The following UGT2A3 variants were observed in gnomAD, a reference collection of about 807,000 sequenced individuals.
The protein encoded by UGT2A3 is UDP-glucuronosyltransferase 2A3.
In UGT2A3, 55 loss-of-function variants were observed where a neutral mutation model predicts 44.1. That is an observed-to-expected ratio of 1.25 (90% confidence interval 1.00 to 1.56). The LOEUF is 1.56. Among genes scored for constraint, UGT2A3 ranks in the 40% most tolerant of loss-of-function variants. UGT2A3 has a pLI of 0.00. For synonymous variants in UGT2A3, 243 were observed against 215.1 expected (o/e 1.13, Z -1.13); for missense variants, 733 against 621.6 (o/e 1.18, Z -1.91).
At chr4:68,933,251 A>G (rs1717807161) in intron 2 of UGT2A3, among the ~76,000 whole-genome samples, 1 of 152,062 alleles carries the variant, frequency 6.6e-6, no homozygotes, top group Non-Finnish European at 1.5e-5. Context: ...ATGGAAATTA[A>G]AAAATCCATG....
At chr4:68,950,082 TG>T (rs1718524906) in intron 1 of UGT2A3, among the ~76,000 whole-genome samples, 1 of 151,922 alleles carries the variant, frequency 6.6e-6, no homozygotes, top group African/African-American at 2.4e-5. Context: ...TCTATATAGC[TG>T]TACCCCTTTA....
chr4:68,929,614 G>A lies in UGT2A3; in HGVS notation c.*199C>T. The stretch of plus-strand genomic sequence containing the variant: ...CATGTCCTTGTGTCACAAAGTGAGA[G>A]AAGAGAGTAAAGACACCTAGGAAAA... On this transcript the variant is annotated 3_prime_UTR_variant, in exon 6 of 6. Transcript: ENST00000251566. 1 of 488,412 alleles carries A rather than the reference G, an allele frequency of 2.0e-6. No homozygotes were observed. The highest frequency in any genetic ancestry group is 4.4e-5 in the South Asian group (1 of 22,514). 30.3% of individuals were successfully genotyped at this position (488,412 alleles called of 1,614,324 possible). A position where few individuals can be genotyped will look rare whatever the true frequency, so the allele number is the denominator to read the frequency against.
intron 2 of UGT2A3, among the ~76,000 whole-genome samples, chr4:68,942,148 A>C (rs905538641): frequency 7.2e-5 from 11 of 151,728 alleles, no homozygotes; most frequent in African/African-American, 2.7e-4. Context: ...AAATAAACTA[A>C]GAAGTCATAG....
chr4:68,934,696 C>T (rs1004656134), intron 2 of UGT2A3, among the ~76,000 whole-genome samples: 1 of 151,830 alleles, frequency 6.6e-6, no homozygotes, highest in African/African-American at 2.4e-5. Flanking sequence ...GAACCCATCT[C>T]TACAAAATTT....
chr4:68,939,402 C>A (rs1423272562), intron 2 of UGT2A3, among the ~76,000 whole-genome samples: 1 of 151,918 alleles, frequency 6.6e-6, no homozygotes, highest in Non-Finnish European at 1.5e-5. Flanking sequence ...CTACACATCT[C>A]TAACCATGTG....
At position 68,951,040 on chromosome 4, in the gene UGT2A3, T is replaced by C. The variant is rs1560464385; in HGVS notation, c.715+6A>G. 6.6e-7 allele frequency: 1 copy of C among 1,518,380 alleles called. No homozygotes were observed. Among genetic ancestry groups the C allele is most frequent in the Non-Finnish European group, 8.8e-7 (1 of 1,132,810 alleles). The allele number at this position is 1,518,380 out of a possible 1,614,324, so 94.1% of individuals were successfully genotyped here. A position where few individuals can be genotyped will look rare whatever the true frequency, so the allele number is the denominator to read the frequency against. On this transcript the variant is annotated splice_donor_region_variant and intron_variant, in intron 1 of 5. Coordinates refer to ENST00000251566, the MANE Select transcript of UGT2A3 (RefSeq NM_024743.4). Reference sequence around the variant, plus strand: ...CTAAATTAAAAATAAAACAAAAGTGTCTTACCTAATGCCTTACTATAAAAC... The same window carrying C: ...CTAAATTAAAAATAAAACAAAAGTGCCTTACCTAATGCCTTACTATAAAAC...
At position 68,930,078 on chromosome 4, in the gene UGT2A3, G is replaced by T; in HGVS notation, c.1319C>A (p.Ala440Asp). Residue 440 changes from alanine (A) to aspartate (D), a missense_variant, in exon 6 of 6, where the codon GCT becomes GAT. Coordinates refer to ENST00000251566, the MANE Select transcript of UGT2A3 (RefSeq NM_024743.4). ...ATGGTGAATTCTTGATAATCTCATAGCATTCTCTTTATAACTGGAAGGGAA... is the reference window on the plus strand; with the variant it reads ...ATGGTGAATTCTTGATAATCTCATATCATTCTCTTTATAACTGGAAGGGAA... ...VITDSSYKEN[A>D]MRLSRIHHDQ... 1 of 1,609,890 alleles carries T rather than the reference G, an allele frequency of 6.2e-7. No homozygotes were observed. Among genetic ancestry groups the T allele is most frequent in the Non-Finnish European group, 8.5e-7 (1 of 1,178,074 alleles).
Position 68,934,333 on chromosome 4 carries a change from A to T in UGT2A3, c.865-1574T>A, listed in dbSNP as rs561366424. 1.0e-3 allele frequency among the ~76,000 whole-genome samples: 159 copies of T among 152,168 alleles called. 6 individuals carry two copies. In the South Asian group the frequency reaches 0.021, roughly 20 times the overall value. On this transcript the variant is annotated intron_variant, in intron 2 of 5. Transcript: ENST00000251566. ...TAGAAAGATATCAAATAAACAATTTATGATAACATCTCAAGGAATTAGAAA... is the reference window on the plus strand; with the variant it reads ...TAGAAAGATATCAAATAAACAATTTTTGATAACATCTCAAGGAATTAGAAA...
At chr4:68,938,643 A>G (rs1718061072) in intron 2 of UGT2A3, among the ~76,000 whole-genome samples, 2 of 152,186 alleles carry the variant, frequency 1.3e-5, no homozygotes, top group Non-Finnish European at 2.9e-5. Context: ...AAACTTGCAC[A>G]AGACAAAGAT....
At chr4:68,939,143 A>G (rs1379086814) in intron 2 of UGT2A3, among the ~76,000 whole-genome samples, 7 of 152,182 alleles carry the variant, frequency 4.6e-5, no homozygotes, top group Admixed American at 4.6e-4. Context: ...TTATAGATTC[A>G]ATGCCATGCC....
rs913566660 is a variant in UGT2A3, at chr4:68,931,327, C to T, written c.997-85G>A. ...TGTAGATATAGTTATAAATTATAAA[C>T]TCATTGTACTTCAGGTGATGGTTGA... On this transcript the variant is annotated intron_variant, in intron 3 of 5. Transcript: ENST00000251566. 7 of 1,084,770 alleles carry T rather than the reference C, an allele frequency of 6.5e-6. No homozygotes were observed. The Admixed American group carries it at 8.6e-5, about 13-fold the overall frequency. The allele number at this position is 1,084,770 out of a possible 1,614,324, so 67.2% of individuals were successfully genotyped here.
chr4:68,943,116 A>G (rs958532684), intron 2 of UGT2A3, among the ~76,000 whole-genome samples: 1 of 151,768 alleles, frequency 6.6e-6, no homozygotes, highest in Non-Finnish European at 1.5e-5. Flanking sequence ...TAAAATTATC[A>G]GCACAAAAGC....
chr4:68,949,172 A>G (rs538593421), intron 1 of UGT2A3, among the ~76,000 whole-genome samples: 8 of 151,984 alleles, frequency 5.3e-5, no homozygotes, highest in African/African-American at 1.9e-4. Context: ...AATATTGGTG[A>G]TCAAATTTCA....
At position 68,932,778 on chromosome 4, in the gene UGT2A3, C is replaced by G. The variant is rs1717784199; in HGVS notation, c.865-19G>C. 6.2e-7 allele frequency: 1 copy of G among 1,604,334 alleles called. No individual in the cohort carries two copies. Among genetic ancestry groups the G allele is most frequent in the African/African-American group, 1.3e-5 (1 of 74,152 alleles). On this transcript the variant is annotated intron_variant, in intron 2 of 5. Transcript: ENST00000251566. ...CCATTTCCTGAAGATAAAAATTTAT[C>G]TGCATTACAGAGGCATAATATAACA...
At chr4:68,936,139 T>A (rs1314624164) in intron 2 of UGT2A3, among the ~76,000 whole-genome samples, 1 of 152,016 alleles carries the variant, frequency 6.6e-6, no homozygotes, top group Non-Finnish European at 1.5e-5. Context: ...AAAACACTCT[T>A]CAGTATATTA....
At chr4:68,943,506 T>A (rs1382399162) in intron 2 of UGT2A3, 1 of 279,432 alleles carries the variant, frequency 3.6e-6, no homozygotes, top group Non-Finnish European at 6.3e-6. Flanking sequence ...GGATTTTGAT[T>A]ATATTTCCAT....
intron 2 of UGT2A3, among the ~76,000 whole-genome samples, chr4:68,941,022 T>A (rs559680321): frequency 6.6e-6 from 1 of 151,836 alleles, no homozygotes; most frequent in Middle Eastern, 3.4e-3. Flanking sequence ...AGATCCCTCA[T>A]GAATAGATTA....
Position 68,935,255 on chromosome 4 carries a change from GGTGT to G in UGT2A3, c.865-2500_865-2497del, listed in dbSNP as rs1441142352. 8.2e-3 allele frequency among the ~76,000 whole-genome samples: 909 copies of G among 110,302 alleles called. 12 individuals carry two copies. Among genetic ancestry groups the G allele is most frequent in the African/African-American group, 0.026 (837 of 31,828 alleles). 72.4% of individuals were successfully genotyped at this position (110,302 alleles called of 152,430 possible). ...ACCCTGATCCCACACCAGACAAGGA[GGTGT>G]GTATGTATGTATGTATGTATATATA... On this transcript the variant is annotated intron_variant, in intron 2 of 5. Coordinates refer to ENST00000251566, the MANE Select transcript of UGT2A3 (RefSeq NM_024743.4).
In UGT2A3 at chr4:68,951,037, G is replaced by GT. The variant is rs1317140589; in HGVS notation, c.715+8dup. ...TAACTAAATTAAAAATAAAACAAAA[G>GT]TGTCTTACCTAATGCCTTACTATAA... On this transcript the variant is annotated intron_variant, in intron 1 of 5. Transcript: ENST00000251566. The GT allele has an allele frequency of 2.0e-6, 3 of 1,495,196 alleles. No homozygotes were observed. The African/African-American group carries it at 4.2e-5, about 21-fold the overall frequency. The allele number at this position is 1,495,196 out of a possible 1,614,324, so 92.6% of individuals were successfully genotyped here. A position where few individuals can be genotyped will look rare whatever the true frequency, so the allele number is the denominator to read the frequency against.
Sources: gnomAD v4.1 joint callset for allele counts (sites outside exome capture counted in the v4.1 genomes callset) on GRCh38, gnomAD v4.1.1 for gene constraint, MANE v1.5 for transcripts, NCBI Gene and HGNC (gene_info 2026-07-23, HGNC 2026-07-21) for gene names.